LAMA1: variants seen among roughly 807,000 people sequenced by gnomAD.
LAMA1 encodes the protein laminin subunit alpha-1.
LAMA1 carries 219 observed loss-of-function variants against 348.7 expected under a neutral mutation model. That is an observed-to-expected ratio of 0.63 (90% CI 0.56 to 0.70). LAMA1 has a LOEUF of 0.70. Ranked by LOEUF, LAMA1 falls within the 30% of genes least tolerant of loss-of-function variation. The pLI, the probability that LAMA1 is intolerant of heterozygous loss-of-function variation, is 0.00. For missense variants in LAMA1, 3,744 were observed against 3,888.0 expected, an observed-to-expected ratio of 0.96 and a Z score of 0.99; for synonymous variants, 1,487 against 1,491.0, an observed-to-expected ratio of 1.00 and a Z score of 0.06.
intron 1 of LAMA1, among the ~76,000 whole-genome samples, chr18:7,103,176 G>C (rs546334757): frequency 6.6e-6 from 1 of 152,302 alleles, no homozygotes; most frequent in South Asian, 2.1e-4. Flanking sequence ...CCACCACTTT[G>C]GGAGGCCGAG....
Position 6,956,715 on chromosome 18 carries a change from G to T in LAMA1, c.8015C>A (p.Thr2672Asn). 8 of 1,614,198 alleles carry T rather than the reference G, an allele frequency of 5.0e-6. No individual in the cohort carries two copies. Among genetic ancestry groups the T allele is most frequent in the Non-Finnish European group, 6.8e-6 (8 of 1,180,040 alleles). ...CTTAGGCCTTTCTGACAGCCAGCAG[G>T]TGTCCAGGTCGACTTGCTCATGGCC... is the stretch of plus-strand genomic sequence containing the variant. ...AVGHEQVDLD[T>N]CWLSERPKLA... Residue 2672 changes from threonine (T) to asparagine (N), a missense_variant, in exon 56 of 63, where the codon ACC becomes AAC. Physicochemically the swap from Thr to Asn is moderately conservative, Grantham distance 65. Around this residue, in one of 3 missense-constraint regions of LAMA1, gnomAD observed 1,983 missense variants for 1,934.3 expected, o/e 1.03. Transcript: ENST00000389658.
intron 49 of LAMA1, 179 bp downstream of exon 49, chr18:6,965,968 A>AT (rs2057631240): frequency 4.4e-6 from 3 of 676,084 alleles, no homozygotes; most frequent in Non-Finnish European, 7.4e-6. Flanking sequence ...ATAATAAATA[A>AT]TTTAAAATGA....
In LAMA1 at chr18:6,985,549, T is replaced by A; in HGVS notation, c.5474A>T (p.Asp1825Val). 2.5e-6 allele frequency: 4 copies of A among 1,614,138 alleles called. No individual in the cohort carries two copies. Among genetic ancestry groups the A allele is most frequent in the Non-Finnish European group, 3.4e-6 (4 of 1,179,972 alleles). ...TACCTCTAGAGCATCTTGTACAGCATCTGTTTGTGCAGCAGCAGCATCTAT... is the reference window on the plus strand; with the variant it reads ...TACCTCTAGAGCATCTTGTACAGCAACTGTTTGTGCAGCAGCAGCATCTAT... ...GLIDAAAAQTDAVQDALEHLE... is the reference protein window; with the variant it reads ...GLIDAAAAQTVAVQDALEHLE... Residue 1825 changes from aspartate (D) to valine (V), a missense_variant, in exon 38 of 63, where the codon GAT becomes GTT. Transcript: ENST00000389658.
chr18:6,950,990 C>A lies in LAMA1; in HGVS notation c.8208-19G>T. 1 of 1,610,256 alleles carries A rather than the reference C, an allele frequency of 6.2e-7. No individual in the cohort carries two copies. The highest frequency in any genetic ancestry group is 1.1e-5 in the South Asian group (1 of 90,458). ...CGAGAGCCTGGGGAAAACAAGTGCT[C>A]AGCGTTGAGAAAGGAAACTTTTACT... On this transcript the variant is annotated intron_variant, in intron 57 of 62. Coordinates refer to ENST00000389658, the MANE Select transcript of LAMA1 (RefSeq NM_005559.4).
chr18:7,032,197 A>G, intron 15 of LAMA1, 21 bp from the exon 16 acceptor site: 1 of 1,516,060 alleles, frequency 6.6e-7, no homozygotes, highest in South Asian at 1.1e-5. Flanking sequence ...AGGGAAAGTC[A>G]TCCTCTTTCC....
intron 12 of LAMA1, among the ~76,000 whole-genome samples, 168 bp from the exon 13 acceptor site, chr18:7,036,256 A>T (rs1358798242): frequency 6.6e-6 from 1 of 152,250 alleles, no homozygotes; most frequent in Non-Finnish European, 1.5e-5. Flanking sequence ...AGGGGAGTAT[A>T]TTCATAAACA....
intron 1 of LAMA1, among the ~76,000 whole-genome samples, chr18:7,105,469 TAAATAAATAAAC>T (rs1231355548): frequency 0.011 from 1,674 of 147,432 alleles, 34 homozygotes; most frequent in African/African-American, 0.039. Context: ...AATAAATAAA[TAAATAAATAAAC>T]AAACAAGAGC....
intron 42 of LAMA1, 102 bp from the exon 43 acceptor site, chr18:6,978,480 C>T (rs2057693575): frequency 8.9e-7 from 1 of 1,118,940 alleles, no homozygotes; most frequent in African/African-American, 1.5e-5. Flanking sequence ...ATATTATTGT[C>T]ATATTACTGA....
chr18:6,961,127 C>G (rs192030148), intron 53 of LAMA1, among the ~76,000 whole-genome samples: 1 of 152,148 alleles, frequency 6.6e-6, no homozygotes, highest in Admixed American at 6.5e-5. Context: ...CTCCTTTCCC[C>G]CTGTTAGTTT....
rs603258 is a variant in LAMA1, at chr18:7,015,715, T to G, written c.3126+7A>C. 1 of 1,613,116 alleles carries G rather than the reference T, an allele frequency of 6.2e-7. No individual in the cohort carries two copies. The highest frequency in any genetic ancestry group is 8.5e-7 in the Non-Finnish European group (1 of 1,179,926). ...AGTTAAGCAAGAGCGTGGATGACAG[T>G]GCTCACCTGGCACCCCACCTCCGCA... On this transcript the variant is annotated splice_region_variant and intron_variant, in intron 22 of 62. Transcript: ENST00000389658.
chr18:7,066,639 T>A (rs937078262), intron 3 of LAMA1, among the ~76,000 whole-genome samples: 1 of 152,210 alleles, frequency 6.6e-6, no homozygotes, highest in Non-Finnish European at 1.5e-5. Flanking sequence ...CCCAAAGATA[T>A]GTCCAGTACA....
Position 6,991,681 on chromosome 18 carries a change from C to T in LAMA1, c.5168+880G>A, listed in dbSNP as rs9964552. Among the ~76,000 whole-genome samples, 1,038 of 152,098 alleles carry T rather than the reference C, an allele frequency of 6.8e-3. 8 individuals carry two copies. The highest frequency in any genetic ancestry group is 0.022 in the African/African-American group (926 of 41,470). ...CTGGGATTACATGCGTGAGCCACCACGCCCAGCCAATAATTCTACTTCTTA... is the reference window on the plus strand; with the variant it reads ...CTGGGATTACATGCGTGAGCCACCATGCCCAGCCAATAATTCTACTTCTTA... On this transcript the variant is annotated intron_variant, in intron 36 of 62. Coordinates refer to ENST00000389658, the MANE Select transcript of LAMA1 (RefSeq NM_005559.4).
intron 1 of LAMA1, among the ~76,000 whole-genome samples, chr18:7,099,331 G>C (rs981241176): frequency 6.6e-6 from 1 of 151,258 alleles, no homozygotes; most frequent in African/African-American, 2.4e-5. Context: ...CAAACACTGC[G>C]GAAGGCCGCA....
chr18:7,051,086 G>A, intron 3 of LAMA1, 150 bp from the exon 4 acceptor site: 2 of 986,510 alleles, frequency 2.0e-6, no homozygotes, highest in East Asian at 2.6e-5. Context: ...TGAGGTGCGA[G>A]GAGAGGGGAA....
chr18:7,011,234 G>T, intron 25 of LAMA1, 66 bp downstream of exon 25: 2 of 1,541,624 alleles, frequency 1.3e-6, no homozygotes, highest in Non-Finnish European at 1.8e-6. Flanking sequence ...AGACTATGGT[G>T]ATTTTAAACA....
At chr18:6,963,815 C>T (rs1257590773) in intron 51 of LAMA1, 3 of 152,118 alleles carry the variant, frequency 2.0e-5, no homozygotes, top group African/African-American at 7.2e-5. Context: ...AAACTGAGGA[C>T]AATGAACCAG....
rs111506815 is a variant in LAMA1, at chr18:7,095,714, A to C, written c.62-15257T>G. Reference sequence around the variant, plus strand: ...ACTTCAGTGTGCTGACAATTACTCAAACTGGAGACATTAACTGAGTGAGGT... The same window carrying C: ...ACTTCAGTGTGCTGACAATTACTCACACTGGAGACATTAACTGAGTGAGGT... On this transcript the variant is annotated intron_variant, in intron 1 of 62. Transcript: ENST00000389658. Among the ~76,000 whole-genome samples the C allele has an allele frequency of 4.1e-3, 622 of 152,338 alleles. 6 individuals are homozygous for C. The highest frequency in any genetic ancestry group is 0.014 in the African/African-American group (589 of 41,578).
chr18:6,965,292 C>T lies in LAMA1; in HGVS notation c.7191G>A (p.Lys2397=), dbSNP rs770130842. 25 of 1,614,080 alleles carry T rather than the reference C, an allele frequency of 1.5e-5. No individual in the cohort carries two copies. The South Asian group carries it at 2.7e-4, about 18-fold the overall frequency. ...WYKIAFQRNR[K]QGVLAVIDAY... ...TGAGTCCATCTGTGTCCCTACCTTGCTTCCGGTTTCGCTGGAAGGCAATTT... is the reference window on the plus strand; with the variant it reads ...TGAGTCCATCTGTGTCCCTACCTTGTTTCCGGTTTCGCTGGAAGGCAATTT... Residue 2397 remains lysine (K), a synonymous_variant, in exon 50 of 63, where the codon AAG becomes AAA. Transcript: ENST00000389658.
At chr18:7,047,337 C>T (rs75719609) in intron 5 of LAMA1, among the ~76,000 whole-genome samples, 11,510 of 152,106 alleles carry the variant, frequency 0.076, 1,132 homozygotes, top group African/African-American at 0.22. Flanking sequence ...CCACTGTGCC[C>T]GGCCTTCTTT....
Sources: gnomAD v4.1 joint callset for allele counts (sites outside exome capture counted in the v4.1 genomes callset) on GRCh38, gnomAD v4.1.1 for gene constraint, gnomAD v4.1.1 regional missense constraint, MANE v1.5 for transcripts, NCBI Gene and HGNC (gene_info 2026-07-23, HGNC 2026-07-21) for gene names.